HIPK2: variants seen among roughly 807,000 people sequenced by gnomAD.
HIPK2 encodes homeodomain interacting protein kinase 2.
A neutral mutation model predicts 113.7 loss-of-function variants in HIPK2; 27 were observed. That is an observed-to-expected ratio of 0.24 (90% confidence interval 0.17 to 0.33). HIPK2 has a LOEUF of 0.33. HIPK2 is among the 10% of genes least tolerant of loss of function. The pLI is 1.00. For missense variants in HIPK2, 1,257 were observed against 1,588.0 expected, an observed-to-expected ratio of 0.79 and a Z score of 3.54; for synonymous variants, 631 against 642.2, an observed-to-expected ratio of 0.98 and a Z score of 0.26.
At chr7:139,579,523 T>C (rs1436306816) in intron 13 of HIPK2, among the ~76,000 whole-genome samples, 1 of 152,104 alleles carries the variant, frequency 6.6e-6, no homozygotes, top group Admixed American at 6.5e-5. Flanking sequence ...CCCAGGGCGA[T>C]GAAATCAAAG....
At chr7:139,737,278 G>C (rs1412133976) in intron 1 of HIPK2, among the ~76,000 whole-genome samples, 1 of 152,180 alleles carries the variant, frequency 6.6e-6, no homozygotes, top group African/African-American at 2.4e-5. Context: ...TGAAATATAG[G>C]AAAGGATACA....
At chr7:139,577,100 CAACA>C (rs1317036721) in intron 13 of HIPK2, among the ~76,000 whole-genome samples, 1 of 150,318 alleles carries the variant, frequency 6.7e-6, no homozygotes, top group Non-Finnish European at 1.5e-5. Flanking sequence ...ATGGCAAAAG[CAACA>C]AACAGACCCA....
At chr7:139,773,586 G>A (rs144673280) in intron 1 of HIPK2, among the ~76,000 whole-genome samples, 114 of 152,308 alleles carry the variant, frequency 7.5e-4, no homozygotes, top group African/African-American at 2.4e-3. Flanking sequence ...CCTCAAAGGT[G>A]GTTCCCCAAG....
chr7:139,564,809 T>G lies in HIPK2; in HGVS notation c.*8118A>C, dbSNP rs1286018076. Reference sequence around the variant, plus strand: ...AAACGTAGCCAGAAATATGCTTAAGTATCCACAGTCAATTGTTTAGTTTAC... The same window carrying G: ...AAACGTAGCCAGAAATATGCTTAAGGATCCACAGTCAATTGTTTAGTTTAC... On this transcript the variant is annotated 3_prime_UTR_variant, in exon 15 of 15. Coordinates refer to ENST00000406875, the MANE Select transcript of HIPK2 (RefSeq NM_022740.5). 2.6e-5 allele frequency: 4 copies of G among 152,270 alleles called. No homozygotes were observed. The East Asian group carries it at 5.8e-4, about 22-fold the overall frequency. The allele number at this position is 152,270 out of a possible 1,614,324, so 9.4% of individuals were successfully genotyped here. A position where few individuals can be genotyped will look rare whatever the true frequency, so the allele number is the denominator to read the frequency against.
intron 2 of HIPK2, among the ~76,000 whole-genome samples, chr7:139,666,973 A>C: frequency 6.6e-6 from 1 of 152,042 alleles, no homozygotes; most frequent in East Asian, 1.9e-4. Context: ...AGGCAGAAGA[A>C]TCGCTTGAAC....
Position 139,626,620 on chromosome 7 carries a change from C to T in HIPK2, c.1600G>A (p.Asp534Asn), listed in dbSNP as rs770918396. ...ACCTACTGTGTGCTGTGGGGAAAAT[C>T]GAGTAAGTGTGTCATGGTGACAAAG... is the stretch of plus-strand genomic sequence containing the variant. ...HPFVTMTHLL[D>N]FPHSTHVKSC... is the part of the protein sequence containing the mutation. The change falls in exon 6 of 15, where the codon GAT becomes AAT. Residue 534 changes from aspartate (D) to asparagine (N), a missense_variant. Asp to Asn is a conservative substitution (Grantham distance 23). Around this residue, in one of 5 missense-constraint regions of HIPK2, gnomAD observed 862 missense variants for 1,004.3 expected, o/e 0.86. Transcript: ENST00000406875. 179 of 1,613,618 alleles carry T rather than the reference C, an allele frequency of 1.1e-4. 1 individual carries two copies. Among genetic ancestry groups the T allele is most frequent in the East Asian group, 4.7e-4 (21 of 44,886 alleles).
At chr7:139,612,413 C>T (rs1048276773) in intron 9 of HIPK2, among the ~76,000 whole-genome samples, 2 of 152,102 alleles carry the variant, frequency 1.3e-5, no homozygotes, top group African/African-American at 2.4e-5. Context: ...AATACAGATG[C>T]TGGCATCAGA....
Position 139,775,616 on chromosome 7 carries a change from G to A in HIPK2, c.19+1989C>T, listed in dbSNP as rs185926062. Reference sequence around the variant, plus strand: ...AGAGGCCACCGCGGAGGTCACCTGAGACAGGGAAGGAAGGCTGGCAAATAA... The same window carrying A: ...AGAGGCCACCGCGGAGGTCACCTGAAACAGGGAAGGAAGGCTGGCAAATAA... On this transcript the variant is annotated intron_variant, in intron 1 of 14. Transcript: ENST00000406875. 2.8e-4 allele frequency among the ~76,000 whole-genome samples: 42 copies of A among 152,304 alleles called. No individual in the cohort carries two copies. The East Asian group carries it at 7.7e-3, about 28-fold the overall frequency.
chr7:139,627,021 C>A (rs1482187269), intron 5 of HIPK2, among the ~76,000 whole-genome samples: 4 of 152,166 alleles, frequency 2.6e-5, no homozygotes, highest in Non-Finnish European at 5.9e-5. Context: ...GGGGAGAGGG[C>A]TGCTGCTGGG....
At chr7:139,700,291 GAC>G (rs1183703304) in intron 2 of HIPK2, among the ~76,000 whole-genome samples, 1 of 152,136 alleles carries the variant, frequency 6.6e-6, no homozygotes, top group African/African-American at 2.4e-5. Flanking sequence ...GACAGAGTGG[GAC>G]ACAGAGGCTG....
chr7:139,671,771 C>T (rs1391079637), intron 2 of HIPK2, among the ~76,000 whole-genome samples: 1 of 152,104 alleles, frequency 6.6e-6, no homozygotes, highest in East Asian at 1.9e-4. Context: ...AGGCTGGTCT[C>T]GAACGACCTC....
At chr7:139,753,089 G>A (rs558020322) in intron 1 of HIPK2, among the ~76,000 whole-genome samples, 6 of 152,178 alleles carry the variant, frequency 3.9e-5, no homozygotes, top group Non-Finnish European at 8.8e-5. Context: ...AGATGGGCAT[G>A]GTTGTTTTCT....
intron 14 of HIPK2, 103 bp from the exon 15 acceptor site, chr7:139,573,500 A>G (rs1013142125): frequency 8.8e-5 from 94 of 1,067,336 alleles, no homozygotes; most frequent in Non-Finnish European, 1.2e-4. Flanking sequence ...GAAGGGAAAG[A>G]CTCCAGAAGT....
intron 2 of HIPK2, among the ~76,000 whole-genome samples, chr7:139,693,684 G>A (rs1001277806): frequency 6.6e-5 from 10 of 151,692 alleles, no homozygotes; most frequent in African/African-American, 2.2e-4. Flanking sequence ...CAGAAGGTAT[G>A]GGATGCTATG....
In HIPK2 at chr7:139,626,790, A is replaced by T; in HGVS notation, c.1435-5T>A. The T allele has an allele frequency of 6.2e-7, 1 of 1,613,920 alleles. No homozygotes were observed. The highest frequency in any genetic ancestry group is 8.5e-7 in the Non-Finnish European group (1 of 1,179,832). Reference sequence around the variant, plus strand: ...CAAATCTGTCGTCATGTTCACCTGGACGCAAGTAAGGACAGGTTACCAAGG... The same window carrying T: ...CAAATCTGTCGTCATGTTCACCTGGTCGCAAGTAAGGACAGGTTACCAAGG... On this transcript the variant is annotated splice_region_variant and splice_polypyrimidine_tract_variant and intron_variant, in intron 5 of 14. Coordinates refer to ENST00000406875, the MANE Select transcript of HIPK2 (RefSeq NM_022740.5).
At chr7:139,574,575 C>T (rs921952082) in intron 14 of HIPK2, among the ~76,000 whole-genome samples, 8 of 152,162 alleles carry the variant, frequency 5.3e-5, no homozygotes, top group African/African-American at 1.9e-4. Context: ...GAAACAGGGC[C>T]CTGAGTCCAC....
Position 139,695,412 on chromosome 7 carries a change from A to C in HIPK2, c.1103+20520T>G, listed in dbSNP as rs1445465297. Reference sequence around the variant, plus strand: ...GACAGCCTTGGGGGCTCGCCACTCCATCTCTTGGGGCCACCATGAAATGGG... The same window carrying C: ...GACAGCCTTGGGGGCTCGCCACTCCCTCTCTTGGGGCCACCATGAAATGGG... On this transcript the variant is annotated intron_variant, in intron 2 of 14. Coordinates refer to ENST00000406875, the MANE Select transcript of HIPK2 (RefSeq NM_022740.5). Among the ~76,000 whole-genome samples the C allele has an allele frequency of 3.3e-5, 5 of 152,266 alleles. No homozygotes were observed. In the East Asian group the frequency reaches 9.6e-4, roughly 29 times the overall value.
chr7:139,737,472 C>T (rs903202169), intron 1 of HIPK2, among the ~76,000 whole-genome samples: 1 of 152,222 alleles, frequency 6.6e-6, no homozygotes, highest in Non-Finnish European at 1.5e-5. Flanking sequence ...TAAGCTCTAA[C>T]ACCAGTTAGT....
chr7:139,762,273 A>G (rs1313614655), intron 1 of HIPK2, among the ~76,000 whole-genome samples: 1 of 152,044 alleles, frequency 6.6e-6, no homozygotes, highest in East Asian at 1.9e-4. Flanking sequence ...CTGTAGAAAG[A>G]ACAACAACTA....
Sources: allele counts gnomAD v4.1 joint callset (sites outside exome capture counted in the v4.1 genomes callset), GRCh38; gene constraint gnomAD v4.1.1; regional missense constraint gnomAD v4.1.1; transcripts MANE v1.5; gene names NCBI Gene and HGNC (gene_info 2026-07-23, HGNC 2026-07-21).